SLC22A31: variants seen among roughly 807,000 people sequenced by gnomAD.
The protein encoded by SLC22A31 is putative solute carrier family 22 member 31.
In SLC22A31, 42 loss-of-function variants were observed where a neutral mutation model predicts 27.4. That is an observed-to-expected ratio of 1.53 (90% CI 1.20 to 1.98). The LOEUF (loss-of-function observed/expected upper bound fraction) is 1.98, where lower values mean the gene tolerates loss of function less well. Ranked by LOEUF, SLC22A31 falls within the 30% of genes most tolerant of loss-of-function variation. The probability of loss-of-function intolerance (pLI) is 0.00; values close to 1 mark genes in which losing one functional copy is unlikely to be tolerated. For missense variants in SLC22A31, 593 were observed against 479.9 expected, an observed-to-expected ratio of 1.24 and a Z score of -2.20; for synonymous variants, 290 against 230.8, an observed-to-expected ratio of 1.26 and a Z score of -2.33.
Position 89,197,404 on chromosome 16 carries a change from G to T in SLC22A31, c.928C>A (p.Pro310Thr). The T allele has an allele frequency of 6.5e-7, 1 of 1,535,378 alleles. No individual in the cohort carries two copies. The highest frequency in any genetic ancestry group is 1.4e-5 in the African/African-American group (1 of 73,140). Residue 310 changes from proline to threonine, a missense_variant, in exon 8 of 9, where the codon CCA becomes ACA. Physicochemically the swap from Pro to Thr is conservative, Grantham distance 38 (BLOSUM62 -1). Transcript: ENST00000682282. ...GAGAGGAACAGCACAGTCCAGCCTGGCAGATCTGGGGACAAAGAACAGGGG... is the reference window on the plus strand; with the variant it reads ...GAGAGGAACAGCACAGTCCAGCCTGTCAGATCTGGGGACAAAGAACAGGGG... ...LLLLAGAQYLPGWTVLFLSVL... is the reference protein window; with the variant it reads ...LLLLAGAQYLTGWTVLFLSVL...
chr16:89,196,242 G>A lies in SLC22A31; in HGVS notation c.1098C>T (p.Asp366=), dbSNP rs931993511. Reference sequence around the variant, plus strand: ...AGAAGCCCTGCCGGCCGTGCAGGGTGTCCAGGGGGCCGGCTGCCTGGCCCA... The same window carrying A: ...AGAAGCCCTGCCGGCCGTGCAGGGTATCCAGGGGGCCGGCTGCCTGGCCCA... ...GFLGQAAGPL[D]TLHGRQGFFL... is the part of the protein sequence containing the mutation. The change falls in exon 9 of 9, where the codon GAC becomes GAT. Residue 366 remains aspartate (D), a synonymous_variant. Coordinates refer to ENST00000682282, the MANE Select transcript of SLC22A31 (RefSeq NM_001384763.1). 5 of 1,533,896 alleles carry A rather than the reference G, an allele frequency of 3.3e-6. No individual in the cohort carries two copies. The African/African-American group carries it at 5.5e-5, about 17-fold the overall frequency.
At position 89,200,503 on chromosome 16, in the gene SLC22A31, C is replaced by T. The variant is rs1203529339; in HGVS notation, c.-2G>A. ...GTTTTGGGAAAGCTGATGGGGCATT[C>T]CTGGATCCAGGCACCAAACAGGAGG... On this transcript the variant is annotated 5_prime_UTR_variant, in exon 1 of 9. Transcript: ENST00000682282. 6.6e-6 allele frequency among the ~76,000 whole-genome samples: 1 copy of T among 152,180 alleles called. No individual in the cohort carries two copies. Among genetic ancestry groups the T allele is most frequent in the African/African-American group, 2.4e-5 (1 of 41,454 alleles).
chr16:89,199,616 G>A (rs752001512), intron 2 of SLC22A31, 49 bp from the exon 3 acceptor site: 29 of 413,000 alleles, frequency 7.0e-5, no homozygotes, highest in Admixed American at 3.2e-4. Context: ...ATAACCCAGG[G>A]TCCAACCTTC....
Position 89,198,326 on chromosome 16 carries a change from CA to C in SLC22A31, c.717del (p.Gly240GlufsTer38). The C allele has an allele frequency of 6.5e-7, 1 of 1,535,918 alleles. No individual in the cohort carries two copies. The highest frequency in any genetic ancestry group is 1.2e-5 in the South Asian group (1 of 84,066). On this transcript the variant is annotated frameshift_variant, in exon 7 of 9. Transcript: ENST00000682282. LOFTEE classifies it high-confidence loss of function. The stretch of plus-strand genomic sequence containing the variant: ...CGGCGGAAGCTAGCTCTGATGCCTC[CA>C]CCAACCAGCCTGGGAGAGAGAGCAA... Reference protein sequence around the residue: ...GLILGFSSLVGGGIRASFRRS... With the variant: ...GLILGFSSLVXGGIRASFRRS...
chr16:89,196,944 C>CAA (rs557294357), intron 8 of SLC22A31, among the ~76,000 whole-genome samples: 5,215 of 115,548 alleles, frequency 0.045, 176 homozygotes, highest in East Asian at 0.17. Flanking sequence ...GACTCCATCT[C>CAA]AAAAAAAAAA....
At chr16:89,200,302 AGGGACTCG>A (rs1916445683) in intron 1 of SLC22A31, 168 bp downstream of exon 1, 1 of 152,888 alleles carries the variant, frequency 6.5e-6, no homozygotes, top group African/African-American at 2.4e-5. Flanking sequence ...CCATTTCAAG[AGGGACTCG>A]GGCAGCGGCT....
upstream of SLC22A31, among the ~76,000 whole-genome samples, chr16:89,200,597 G>A (rs1313204931): frequency 6.6e-6 from 1 of 152,190 alleles, no homozygotes; most frequent in Non-Finnish European, 1.5e-5. Context: ...GCCCCAGGCA[G>A]CCCTTGTGAA....
Position 89,195,815 on chromosome 16 carries a change from A to G in SLC22A31, c.*184T>C. On this transcript the variant is annotated 3_prime_UTR_variant, in exon 9 of 9. Coordinates refer to ENST00000682282, the MANE Select transcript of SLC22A31 (RefSeq NM_001384763.1). The stretch of plus-strand genomic sequence containing the variant: ...ACTGGGTGTGGCTGGGGGGAGACCC[A>G]GGGCCTCCCAGTGCCTGGGGCCTGG... The G allele has an allele frequency of 1.6e-6, 1 of 608,332 alleles. No individual in the cohort carries two copies. The highest frequency in any genetic ancestry group is 2.7e-6 in the Non-Finnish European group (1 of 375,436). 37.7% of individuals were successfully genotyped at this position (608,332 alleles called of 1,614,324 possible). A position where few individuals can be genotyped will look rare whatever the true frequency, so the allele number is the denominator to read the frequency against.
chr16:89,196,669 C>T (rs1005171341), intron 8 of SLC22A31, among the ~76,000 whole-genome samples: 8 of 152,214 alleles, frequency 5.3e-5, no homozygotes, highest in Non-Finnish European at 7.3e-5. Flanking sequence ...GGAAAGTGGC[C>T]GGGCACAGTG....
chr16:89,199,459 G>A lies in SLC22A31; in HGVS notation c.237C>T (p.Leu79=). ...GGGCCCCTGCCAATGTGCCCCCGTG[G>A]AGTAGGCGCAGGACCAGCAGGGTAG... ...SFPTLLVLRL[L]HGGTLAGALL... Residue 79 remains leucine, a synonymous_variant, in exon 3 of 9, where the codon CTC becomes CTT. Coordinates refer to ENST00000682282, the MANE Select transcript of SLC22A31 (RefSeq NM_001384763.1). The A allele has an allele frequency of 1.9e-6, 1 of 538,034 alleles. No individual in the cohort carries two copies. Among genetic ancestry groups the A allele is most frequent in the Non-Finnish European group, 3.3e-6 (1 of 299,968 alleles). 33.3% of individuals were successfully genotyped at this position (538,034 alleles called of 1,614,324 possible).
At chr16:89,198,938 A>G in intron 4 of SLC22A31, 85 bp downstream of exon 4, 3 of 1,495,138 alleles carry the variant, frequency 2.0e-6, no homozygotes, top group Non-Finnish European at 2.7e-6. Flanking sequence ...CCATGCGTTT[A>G]CCTGGCATGG....
upstream of SLC22A31, chr16:89,201,047 C>T (rs1916558862): frequency 5.5e-6 from 2 of 364,504 alleles, no homozygotes; most frequent in Non-Finnish European, 9.8e-6. Flanking sequence ...CTCCCAGGCC[C>T]AGATTCAGCC....
intron 8 of SLC22A31, 127 bp downstream of exon 8, chr16:89,197,171 C>G: frequency 1.5e-6 from 1 of 681,520 alleles, no homozygotes; most frequent in Admixed American, 2.7e-5. Context: ...CGAGTCCTTA[C>G]TGGATGGAGG....
In SLC22A31 at chr16:89,199,710, C is replaced by T. The variant is rs1916365201; in HGVS notation, c.128+3G>A. Reference sequence around the variant, plus strand: ...GGCAGCAGGAAAAGGGAAGGGGCCTCACCGGTCACAGCCTGCTCCCAGGAT... The same window carrying T: ...GGCAGCAGGAAAAGGGAAGGGGCCTTACCGGTCACAGCCTGCTCCCAGGAT... On this transcript the variant is annotated splice_donor_region_variant and intron_variant, in intron 2 of 8. Coordinates refer to ENST00000682282, the MANE Select transcript of SLC22A31 (RefSeq NM_001384763.1). 2.5e-6 allele frequency: 1 copy of T among 406,056 alleles called. No homozygotes were observed. The allele number at this position is 406,056 out of a possible 1,614,324, so 25.2% of individuals were successfully genotyped here.
Position 89,198,504 on chromosome 16 carries a change from G to A in SLC22A31, c.645C>T (p.Ser215=). ...CTCGGGTACGCAGAAGCCCCAGTGGGGAGTGGTACCGGGGCTGGGGGCTCC... is the reference window on the plus strand; with the variant it reads ...CTCGGGTACGCAGAAGCCCCAGTGGAGAGTGGTACCGGGGCTGGGGGCTCC... ...SARSPQPRYH[S]PLGLLRTRVT... is the part of the protein sequence containing the mutation. The change falls in exon 6 of 9, where the codon TCC becomes TCT. Residue 215 remains serine (S), a synonymous_variant. Coordinates refer to ENST00000682282, the MANE Select transcript of SLC22A31 (RefSeq NM_001384763.1). 1.3e-6 allele frequency: 2 copies of A among 1,516,174 alleles called. No individual in the cohort carries two copies. The highest frequency in any genetic ancestry group is 1.8e-6 in the Non-Finnish European group (2 of 1,135,752). 93.9% of individuals were successfully genotyped at this position (1,516,174 alleles called of 1,614,324 possible).
At chr16:89,196,552 G>T (rs770135673) in intron 8 of SLC22A31, among the ~76,000 whole-genome samples, 24 of 152,222 alleles carry the variant, frequency 1.6e-4, no homozygotes, top group Non-Finnish European at 2.5e-4. Context: ...CAGGGGGAAG[G>T]CCCGGCCTCC....
rs1916185375 is a variant in SLC22A31 at position 89,198,391 on chromosome 16, A to G, written c.707+51T>C. On this transcript the variant is annotated intron_variant, in intron 6 of 8. Transcript: ENST00000682282. ...GCCAGAGCCGGGGACTCTGGGGACCATATGCCCACCCCGGGGGATGGTGCA... is the reference window on the plus strand; with the variant it reads ...GCCAGAGCCGGGGACTCTGGGGACCGTATGCCCACCCCGGGGGATGGTGCA... 2.0e-6 allele frequency: 3 copies of G among 1,531,102 alleles called. No individual in the cohort carries two copies. In the African/African-American group the frequency reaches 4.1e-5, roughly 21 times the overall value. 94.8% of individuals were successfully genotyped at this position (1,531,102 alleles called of 1,614,324 possible).
rs1916303627 is a variant in SLC22A31, at chr16:89,199,191, C to A, written c.284G>T (p.Arg95Leu). The stretch of plus-strand genomic sequence containing the variant: ...GTGGGGAGGGTCACACAACTCCAGG[C>A]CTGGGCAGACACAGACAGGTTGAAG... ...AGALLALYLA[R>L]LELCDPPHRL... The change falls in exon 4 of 9, where the codon CGC becomes CTC. Residue 95 changes from arginine (R) to leucine (L), a missense_variant and splice_region_variant. By Grantham distance (102) the Arg-to-Leu change is moderately radical. Transcript: ENST00000682282. 6.6e-7 allele frequency: 1 copy of A among 1,525,864 alleles called. No homozygotes were observed. The highest frequency in any genetic ancestry group is 8.8e-7 in the Non-Finnish European group (1 of 1,141,874). The allele number at this position is 1,525,864 out of a possible 1,614,324, so 94.5% of individuals were successfully genotyped here. A position where few individuals can be genotyped will look rare whatever the true frequency, so the allele number is the denominator to read the frequency against.
Position 89,195,766 on chromosome 16 carries a change from C to T in SLC22A31, c.*233G>A, listed in dbSNP as rs1915821727. The T allele has an allele frequency of 4.3e-6, 2 of 463,944 alleles. No individual in the cohort carries two copies. Among genetic ancestry groups the T allele is most frequent in the South Asian group, 5.3e-5 (1 of 18,724 alleles). The allele number at this position is 463,944 out of a possible 1,614,324, so 28.7% of individuals were successfully genotyped here. A position where few individuals can be genotyped will look rare whatever the true frequency, so the allele number is the denominator to read the frequency against. Reference sequence around the variant, plus strand: ...GAACCAGGGAGGACGCCAAGTTCCACAGAAGCCTTTATCCTCCACACCTAC... The same window carrying T: ...GAACCAGGGAGGACGCCAAGTTCCATAGAAGCCTTTATCCTCCACACCTAC... On this transcript the variant is annotated 3_prime_UTR_variant, in exon 9 of 9. Transcript: ENST00000682282.
Sources: gnomAD v4.1 joint callset for allele counts (sites outside exome capture counted in the v4.1 genomes callset) on GRCh38, gnomAD v4.1.1 for gene constraint, MANE v1.5 for transcripts, NCBI Gene and HGNC (gene_info 2026-07-23, HGNC 2026-07-21) for gene names.